Variants in KLHL13 observed in about 807,000 individuals in gnomAD.
The protein encoded by KLHL13 is kelch-like protein 13.
In KLHL13, 10 loss-of-function variants were observed where a neutral mutation model predicts 37.1. The ratio of observed to expected loss-of-function variants is 0.27; its 90% confidence interval spans 0.17 to 0.46. The LOEUF (loss-of-function observed/expected upper bound fraction) is 0.46. Among genes scored for constraint, KLHL13 ranks in the 20% least tolerant of loss-of-function variants. The pLI is 1.00. For missense variants in KLHL13, 360 were observed against 509.3 expected (o/e 0.71, Z 2.82); for synonymous variants, 163 against 181.2 (o/e 0.90, Z 0.81).
intron 2 of KLHL13, among the ~76,000 whole-genome samples, chrX:117,935,519 G>A (rs1308897470): frequency 2.7e-5 from 3 of 111,848 alleles, no homozygotes; most frequent in Non-Finnish European, 5.6e-5. Context: ...AGTTTAATTG[G>A]CTCATCATTC....
At chrX:117,973,304 ACAT>A (rs1282454751) in exon 1 of KLHL13, 1 of 967,377 alleles carries the variant, frequency 1.0e-6, no homozygotes, top group African/African-American at 2.0e-5. Flanking sequence ...TGAAACAACA[ACAT>A]ACCTACTCAG....
At chrX:118,110,826 A>C (rs1437742044) in intron 1 of KLHL13, among the ~76,000 whole-genome samples, 1 of 111,812 alleles carries the variant, frequency 8.9e-6, no homozygotes, top group African/African-American at 3.2e-5. Flanking sequence ...TGTGCTAAAG[A>C]AGCATAGGTT....
Position 117,956,922 on chromosome X carries a change from A to G in KLHL13, c.99-11347T>C, listed in dbSNP as rs1464812167. On this transcript the variant is annotated intron_variant, in intron 1 of 6. Coordinates refer to ENST00000262820, the Ensembl canonical transcript of KLHL13. Reference sequence around the variant, plus strand: ...AATGGTAATGAATTTGACTACATACATATTTCTTAATGACCATTCCTAAAA... The same window carrying G: ...AATGGTAATGAATTTGACTACATACGTATTTCTTAATGACCATTCCTAAAA... 8.0e-5 allele frequency among the ~76,000 whole-genome samples: 9 copies of G among 112,625 alleles called. 1 individual carries two copies. The highest frequency in any genetic ancestry group is 6.6e-4 in the Admixed American group (7 of 10,619).
intron 1 of KLHL13, among the ~76,000 whole-genome samples, chrX:118,078,839 A>C (rs1778742730): frequency 8.9e-6 from 1 of 111,755 alleles, no homozygotes; most frequent in Non-Finnish European, 1.9e-5. Context: ...GAAACTGCCA[A>C]ATTGTTTTCC....
At chrX:117,950,391 T>TG (rs911380595) in intron 1 of KLHL13, among the ~76,000 whole-genome samples, 2 of 111,103 alleles carry the variant, frequency 1.8e-5, no homozygotes, top group Admixed American at 9.6e-5. Context: ...CACTTGAACC[T>TG]GGGGGGCGGA....
intron 1 of KLHL13, among the ~76,000 whole-genome samples, chrX:118,064,773 A>C (rs1246577095): frequency 1.8e-5 from 2 of 111,794 alleles, no homozygotes; most frequent in African/African-American, 6.5e-5. Flanking sequence ...TAGCCTCACT[A>C]CATATTTGCT....
intron 1 of KLHL13, among the ~76,000 whole-genome samples, chrX:118,106,189 G>A (rs1261621627): frequency 1.8e-5 from 2 of 108,281 alleles, no homozygotes; most frequent in East Asian, 2.9e-4. Flanking sequence ...GAGCCACCGC[G>A]CCCGGCCAAG....
chrX:118,031,673 T>C (rs1188777236), intron 1 of KLHL13, among the ~76,000 whole-genome samples: 1 of 101,611 alleles, frequency 9.8e-6, no homozygotes, highest in African/African-American at 3.6e-5. Flanking sequence ...ATAATATATA[T>C]AACTAAAATT....
chrX:117,965,704 C>T (rs888402799), intron 1 of KLHL13, among the ~76,000 whole-genome samples: 85 of 111,544 alleles, frequency 7.6e-4, no homozygotes, highest in African/African-American at 2.7e-3. Flanking sequence ...AGCTTATCCA[C>T]CATGATCAAG....
intron 4 of KLHL13, 130 bp from the exon 6 acceptor site, chrX:117,910,226 C>A: frequency 4.1e-6 from 2 of 484,115 alleles, no homozygotes; most frequent in South Asian, 8.4e-5. Context: ...AAATAGGATT[C>A]TTATCTAAAT....
rs140090316 is a variant in KLHL13 at position 118,083,142 on chromosome X, T to C, written c.-56+33366A>G. On this transcript the variant is annotated intron_variant, in intron 1 of 6. Transcript: ENST00000371882. ...CATTGGTATTTTGGTAGGATTGCAT[T>C]GACTCTGTGGATCACCTTGGGTAGC... Among the ~76,000 whole-genome samples, 130 of 111,990 alleles carry C rather than the reference T, an allele frequency of 1.2e-3. 2 individuals carry two copies. The highest frequency in any genetic ancestry group is 4.0e-3 in the African/African-American group (123 of 30,897).
intron 1 of KLHL13, among the ~76,000 whole-genome samples, chrX:118,110,441 C>T (rs1197155879): frequency 3.0e-5 from 3 of 99,308 alleles, no homozygotes; most frequent in African/African-American, 1.1e-4. Flanking sequence ...TGCAGTGGCA[C>T]GATCTTGGCT....
intron 1 of KLHL13, among the ~76,000 whole-genome samples, chrX:118,054,229 A>T (rs2054662169): frequency 9.0e-6 from 1 of 111,054 alleles, no homozygotes; most frequent in African/African-American, 3.3e-5. Flanking sequence ...CCATGTTCCA[A>T]AGGGTAAAAT....
At chrX:118,112,682 G>A (rs2055425147) in intron 1 of KLHL13, among the ~76,000 whole-genome samples, 1 of 111,825 alleles carries the variant, frequency 8.9e-6, no homozygotes, top group African/African-American at 3.3e-5. Flanking sequence ...ACTGATGAAG[G>A]TTATTTTGCA....
At chrX:118,009,069 T>C (rs2054023739) in intron 1 of KLHL13, among the ~76,000 whole-genome samples, 1 of 110,672 alleles carries the variant, frequency 9.0e-6, no homozygotes, top group Admixed American at 9.7e-5. Flanking sequence ...TGTCTGTTCA[T>C]GTCCTTTGCC....
chrX:117,926,285 G>A (rs1002286204), intron 2 of KLHL13, among the ~76,000 whole-genome samples: 5 of 111,395 alleles, frequency 4.5e-5, no homozygotes, highest in Non-Finnish European at 9.4e-5. Flanking sequence ...TGCAGGGAGT[G>A]GGAACCCAGG....
At chrX:118,106,821 C>G (rs2055352758) in intron 1 of KLHL13, among the ~76,000 whole-genome samples, 1 of 112,170 alleles carries the variant, frequency 8.9e-6, no homozygotes, top group African/African-American at 3.2e-5. Context: ...GTTCTCAATA[C>G]TCCATTTAGA....
chrX:117,913,251 G>T (rs1412940944), intron 4 of KLHL13, among the ~76,000 whole-genome samples: 1 of 111,266 alleles, frequency 9.0e-6, no homozygotes. Flanking sequence ...ATTAAGCCTA[G>T]ACAGTATTTT....
At position 118,104,048 on chromosome X, in the gene KLHL13, T is replaced by TAAAAAAAAAAAAAA. The variant is rs60645250; in HGVS notation, c.-56+12446_-56+12459dup. On this transcript the variant is annotated intron_variant, in intron 1 of 6. Transcript: ENST00000371882. ...CAACATACCGAGGCCTCATTTCCACTAAAAAAAAAAAAAAAAAAAAAAAAA... is the reference window on the plus strand; with the variant it reads ...CAACATACCGAGGCCTCATTTCCACTAAAAAAAAAAAAAAAAAAAAAAAAAAAAAAAAAAAAAAA... 1.4e-4 allele frequency among the ~76,000 whole-genome samples: 6 copies of TAAAAAAAAAAAAAA among 42,573 alleles called. 1 individual carries two copies. Among genetic ancestry groups the TAAAAAAAAAAAAAA allele is most frequent in the African/African-American group, 5.4e-4 (6 of 11,188 alleles). 37.0% of individuals were successfully genotyped at this position (42,573 alleles called of 115,157 possible).
Sources: gnomAD v4.1 joint callset for allele counts (sites outside exome capture counted in the v4.1 genomes callset) on GRCh38, gnomAD v4.1.1 for gene constraint, MANE v1.5 for transcripts, NCBI Gene and HGNC (gene_info 2026-07-23, HGNC 2026-07-21) for gene names.